AGBL1: variants seen among roughly 807,000 people sequenced by gnomAD.
AGBL1 encodes the protein cytosolic carboxypeptidase 4.
In AGBL1, 130 loss-of-function variants were observed where a neutral mutation model predicts 118.9. The ratio of observed to expected loss-of-function variants is 1.09; its 90% CI spans 0.95 to 1.26. The LOEUF (loss-of-function observed/expected upper bound fraction) is 1.26, where lower values mean the gene tolerates loss of function less well. Ranked by LOEUF, AGBL1 falls within the 50% of genes most tolerant of loss-of-function variation. AGBL1 has a pLI of 0.00. For missense variants in AGBL1, 1,584 were observed against 1,298.1 expected (o/e 1.22, Z -3.38); for synonymous variants, 555 against 478.9 (o/e 1.16, Z -2.08).
intron 18 of AGBL1, among the ~76,000 whole-genome samples, chr15:86,493,116 C>T (rs2082805188): frequency 6.6e-6 from 1 of 151,982 alleles, no homozygotes; most frequent in African/African-American, 2.4e-5. Flanking sequence ...ATTACTTGAA[C>T]CTGGAAGGGG....
intron 7 of AGBL1, among the ~76,000 whole-genome samples, chr15:86,255,540 G>A (rs955112852): frequency 6.6e-6 from 1 of 152,126 alleles, no homozygotes; most frequent in Non-Finnish European, 1.5e-5. Flanking sequence ...CCAGTACTTT[G>A]GGAGACTGAG....
At chr15:86,571,709 C>T (rs1045469364) in intron 21 of AGBL1, among the ~76,000 whole-genome samples, 3 of 152,130 alleles carry the variant, frequency 2.0e-5, no homozygotes, top group African/African-American at 7.2e-5. Flanking sequence ...TGTTTATTGG[C>T]CTCAGAGGGG....
intron 22 of AGBL1, among the ~76,000 whole-genome samples, chr15:86,877,256 C>T (rs1478838090): frequency 2.0e-5 from 3 of 152,088 alleles, no homozygotes; most frequent in African/African-American, 7.2e-5. Context: ...ACTAAGAAAA[C>T]CTGAGTCATA....
intron 3 of AGBL1, among the ~76,000 whole-genome samples, chr15:86,147,560 G>C (rs143478797): frequency 3.2e-4 from 49 of 152,334 alleles, no homozygotes; most frequent in African/African-American, 1.1e-3. Context: ...GCTGGGGGAA[G>C]GGTGTCCGCC....
At chr15:86,684,556 A>C (rs2086020950) in intron 22 of AGBL1, among the ~76,000 whole-genome samples, 1 of 151,892 alleles carries the variant, frequency 6.6e-6, no homozygotes, top group South Asian at 2.1e-4. Flanking sequence ...CCTGGGCTCA[A>C]GCAGTCCTCT....
At chr15:86,848,024 G>A (rs973298851) in intron 22 of AGBL1, among the ~76,000 whole-genome samples, 1 of 152,146 alleles carries the variant, frequency 6.6e-6, no homozygotes, top group Non-Finnish European at 1.5e-5. Context: ...ATGCTGCTTA[G>A]TGTGGGGTGT....
chr15:86,504,262 A>G (rs946075861), intron 18 of AGBL1, among the ~76,000 whole-genome samples: 4 of 151,408 alleles, frequency 2.6e-5, no homozygotes. Context: ...TACTGTTTGC[A>G]TGGTGTTTTC....
intron 5 of AGBL1, among the ~76,000 whole-genome samples, chr15:86,171,347 GACA>G (rs139249061): frequency 0.12 from 17,582 of 152,088 alleles, 1,097 homozygotes; most frequent in Middle Eastern, 0.21. Flanking sequence ...TAAAATATAT[GACA>G]ACAAGAGCAC....
At chr15:86,397,586 C>T in intron 18 of AGBL1, 40 bp downstream of exon 18, 2 of 1,552,728 alleles carry the variant, frequency 1.3e-6, no homozygotes, top group Middle Eastern at 2.3e-4. Context: ...CACAATTATG[C>T]TACCACAGTG....
At chr15:86,554,272 A>G in intron 20 of AGBL1, 89 bp from the exon 21 acceptor site, 1 of 1,111,002 alleles carries the variant, frequency 9.0e-7, no homozygotes, top group Admixed American at 3.0e-5. Context: ...TTATATATAG[A>G]TGCTTAACAA....
chr15:86,830,092 G>A (rs1017625), intron 22 of AGBL1, among the ~76,000 whole-genome samples: 138,884 of 152,174 alleles, frequency 0.91, 63,547 homozygotes, highest in East Asian at 1. Flanking sequence ...GATGTATTTA[G>A]ATTATCTCAA....
chr15:86,962,808 C>G (rs1357028716), intron 23 of AGBL1, among the ~76,000 whole-genome samples: 1 of 152,056 alleles, frequency 6.6e-6, no homozygotes, highest in African/African-American at 2.4e-5. Flanking sequence ...GGTCCCACCT[C>G]AGAGCTATTG....
intron 1 of AGBL1, among the ~76,000 whole-genome samples, chr15:86,099,882 G>A (rs571786393): frequency 1.3e-5 from 2 of 152,100 alleles, no homozygotes; most frequent in South Asian, 4.2e-4. Flanking sequence ...GAATAAGGGT[G>A]GCAAAAATGG....
intron 22 of AGBL1, among the ~76,000 whole-genome samples, chr15:86,874,433 A>T (rs1039259080): frequency 4.0e-5 from 6 of 151,718 alleles, no homozygotes; most frequent in Non-Finnish European, 5.9e-5. Context: ...ACCTATGCAT[A>T]ATAAATACTA....
At chr15:86,364,690 C>T (rs1468189810) in intron 17 of AGBL1, among the ~76,000 whole-genome samples, 1 of 151,834 alleles carries the variant, frequency 6.6e-6, no homozygotes, top group Non-Finnish European at 1.5e-5. Context: ...AATGTGTGCC[C>T]TTAGCATCTC....
chr15:86,903,231 C>T (rs1445362749), intron 22 of AGBL1, among the ~76,000 whole-genome samples: 3 of 151,780 alleles, frequency 2.0e-5, no homozygotes, highest in African/African-American at 7.3e-5. Context: ...GATATTTTTT[C>T]ATTCTAAAAT....
At chr15:86,741,354 C>T (rs1172936653) in intron 22 of AGBL1, among the ~76,000 whole-genome samples, 2 of 89,840 alleles carry the variant, frequency 2.2e-5, no homozygotes, top group African/African-American at 4.4e-5. Flanking sequence ...ATTTCCTAGC[C>T]CAAGTGAACA....
At chr15:86,544,704 A>T (rs2083554450) in intron 19 of AGBL1, among the ~76,000 whole-genome samples, 1 of 152,168 alleles carries the variant, frequency 6.6e-6, no homozygotes, top group Non-Finnish European at 1.5e-5. Flanking sequence ...AATTGCTTCC[A>T]CCTGGACCCA....
chr15:86,297,185 A>G (rs1410517734), intron 17 of AGBL1: 6 of 152,048 alleles, frequency 3.9e-5, no homozygotes, highest in African/African-American at 9.7e-5. Flanking sequence ...GTAAGTGTAC[A>G]CTCTTATGAT....
Sources: gnomAD v4.1 joint callset for allele counts (sites outside exome capture counted in the v4.1 genomes callset) on GRCh38, gnomAD v4.1.1 for gene constraint, MANE v1.5 for transcripts, NCBI Gene and HGNC (gene_info 2026-07-23, HGNC 2026-07-21) for gene names.